ELMO1: variants seen among roughly 807,000 people sequenced by gnomAD.
The protein encoded by ELMO1 is engulfment and cell motility protein 1.
A neutral mutation model predicts 98.9 loss-of-function variants in ELMO1; 26 were observed. That is an observed-to-expected ratio of 0.26 (90% CI 0.19 to 0.36). The LOEUF (loss-of-function observed/expected upper bound fraction) is 0.36. Ranked by LOEUF, ELMO1 falls within the 10% of genes least tolerant of loss-of-function variation. The pLI is 1.00. For synonymous variants in ELMO1, 346 were observed against 346.0 expected (o/e 1.00, Z 0.00); for missense variants, 627 against 935.2 (o/e 0.67, Z 4.30).
chr7:37,075,224 G>C (rs980584636), intron 15 of ELMO1, among the ~76,000 whole-genome samples: 16 of 150,084 alleles, frequency 1.1e-4, no homozygotes, highest in African/African-American at 3.7e-4. Flanking sequence ...TCTGCTCACT[G>C]CAAGCTCTGC....
chr7:37,267,952 A>T (rs1245773652), intron 5 of ELMO1, among the ~76,000 whole-genome samples: 2 of 152,174 alleles, frequency 1.3e-5, no homozygotes, highest in East Asian at 3.8e-4. Flanking sequence ...TTGGTAGTCA[A>T]ATTTATTGAT....
intron 6 of ELMO1, among the ~76,000 whole-genome samples, chr7:37,248,981 T>C (rs1458953313): frequency 6.6e-6 from 1 of 152,244 alleles, no homozygotes; most frequent in East Asian, 1.9e-4. Context: ...CTTTGTGTTA[T>C]CCTCCATGCA....
intron 15 of ELMO1, among the ~76,000 whole-genome samples, chr7:37,080,018 A>C (rs540758890): frequency 3.3e-5 from 5 of 152,156 alleles, no homozygotes; most frequent in Admixed American, 1.3e-4. Flanking sequence ...AACACAAACA[A>C]AACAGAACTC....
At chr7:37,298,246 G>C (rs1798150217) in intron 4 of ELMO1, among the ~76,000 whole-genome samples, 1 of 149,256 alleles carries the variant, frequency 6.7e-6, no homozygotes, top group Admixed American at 6.7e-5. Context: ...CATCAAAAAG[G>C]TAGAATAAAA....
chr7:36,923,865 C>A (rs1189073079), intron 16 of ELMO1, among the ~76,000 whole-genome samples: 1 of 152,190 alleles, frequency 6.6e-6, no homozygotes, highest in African/African-American at 2.4e-5. Flanking sequence ...AAGAGAGGGA[C>A]ATTCCAGGCA....
At chr7:36,987,885 G>A (rs1791623109) in intron 16 of ELMO1, among the ~76,000 whole-genome samples, 1 of 152,094 alleles carries the variant, frequency 6.6e-6, no homozygotes, top group African/African-American at 2.4e-5. Flanking sequence ...AGCCTCCTGA[G>A]TAGCTGAGAT....
intron 4 of ELMO1, among the ~76,000 whole-genome samples, chr7:37,304,364 CGT>C (rs1003934541): frequency 6.6e-6 from 1 of 151,280 alleles, no homozygotes; most frequent in African/African-American, 2.4e-5. Flanking sequence ...TGTGTGTGTG[CGT>C]GTGTGTGTGT....
At chr7:37,211,157 T>A (rs1792945552) in intron 13 of ELMO1, 1 of 533,186 alleles carries the variant, frequency 1.9e-6, no homozygotes, top group Non-Finnish European at 3.3e-6. Flanking sequence ...TAATCAGAAC[T>A]GAATAAACAA....
chr7:36,924,827 TTGAAAACTGAA>T (rs1785411899), intron 16 of ELMO1, among the ~76,000 whole-genome samples: 2 of 152,140 alleles, frequency 1.3e-5, no homozygotes, highest in African/African-American at 2.4e-5. Context: ...GGGGGAATAA[TTGAAAACTGAA>T]GAAAAACTAT....
intron 1 of ELMO1, among the ~76,000 whole-genome samples, chr7:37,384,153 T>C (rs190534902): frequency 4.8e-4 from 73 of 152,296 alleles, no homozygotes; most frequent in African/African-American, 1.7e-3. Context: ...ATTTTACTTA[T>C]GGTATAGAAT....
intron 13 of ELMO1, among the ~76,000 whole-genome samples, chr7:37,139,406 T>C (rs971925462): frequency 1.3e-5 from 2 of 152,210 alleles, no homozygotes; most frequent in South Asian, 2.1e-4. Context: ...TGCCAATCAG[T>C]AGCTCTGCTA....
chr7:37,387,960 T>G (rs1457644859), intron 1 of ELMO1, among the ~76,000 whole-genome samples: 1 of 152,014 alleles, frequency 6.6e-6, no homozygotes, highest in Non-Finnish European at 1.5e-5. Context: ...GCCTCCCAAG[T>G]AGCTGGGACT....
intron 16 of ELMO1, among the ~76,000 whole-genome samples, chr7:36,987,259 T>C (rs933392120): frequency 1.3e-5 from 2 of 152,098 alleles, no homozygotes; most frequent in Non-Finnish European, 2.9e-5. Context: ...CTAGAATTAA[T>C]GTCACCAACT....
intron 14 of ELMO1, among the ~76,000 whole-genome samples, chr7:37,120,792 T>C (rs80190323): frequency 2.0e-5 from 3 of 152,158 alleles, no homozygotes; most frequent in Non-Finnish European, 4.4e-5. Context: ...TCTCCCAGCA[T>C]GCAGCTTGAG....
chr7:37,194,237 C>A (rs973171599), intron 13 of ELMO1, among the ~76,000 whole-genome samples: 3 of 152,202 alleles, frequency 2.0e-5, no homozygotes, highest in African/African-American at 7.2e-5. Flanking sequence ...GGCCTTCTGG[C>A]TATCTCCAGC....
intron 15 of ELMO1, among the ~76,000 whole-genome samples, chr7:37,015,353 C>T (rs1005543703): frequency 2.6e-5 from 4 of 152,128 alleles, no homozygotes; most frequent in Non-Finnish European, 5.9e-5. Flanking sequence ...AATCCCAGCA[C>T]TTTGGGAGGC....
intron 15 of ELMO1, among the ~76,000 whole-genome samples, chr7:37,073,154 G>T (rs1269245349): frequency 6.6e-6 from 1 of 152,146 alleles, no homozygotes; most frequent in Non-Finnish European, 1.5e-5. Context: ...GTTTTTTACA[G>T]TAAAAATTTG....
intron 13 of ELMO1, among the ~76,000 whole-genome samples, chr7:37,178,235 A>T (rs1790606359): frequency 1.3e-5 from 2 of 152,070 alleles, no homozygotes; most frequent in African/African-American, 4.8e-5. Flanking sequence ...GGTCAAAGGC[A>T]TGTCTTACAC....
chr7:37,176,271 T>C (rs1433074014), intron 13 of ELMO1, among the ~76,000 whole-genome samples: 1 of 152,194 alleles, frequency 6.6e-6, no homozygotes, highest in Non-Finnish European at 1.5e-5. Context: ...CTAACAATAC[T>C]TTCAAAGAAA....
Sources: allele counts gnomAD v4.1 joint callset (sites outside exome capture counted in the v4.1 genomes callset), GRCh38; gene constraint gnomAD v4.1.1; transcripts MANE v1.5; gene names NCBI Gene and HGNC (gene_info 2026-07-23, HGNC 2026-07-21).